EPB41L4A: variants seen among roughly 807,000 people sequenced by gnomAD.
The protein encoded by EPB41L4A is band 4.1-like protein 4A.
Under a neutral mutation model 108.6 loss-of-function variants are expected in EPB41L4A, and 100 were observed. The ratio of observed to expected loss-of-function variants is 0.92; its 90% confidence interval spans 0.78 to 1.09. The LOEUF (loss-of-function observed/expected upper bound fraction) is 1.09. Among genes scored for constraint, EPB41L4A ranks in the 50% least tolerant of loss-of-function variants. The pLI is 0.00. For synonymous variants in EPB41L4A, 319 were observed against 289.0 expected, an observed-to-expected ratio of 1.10 and a Z score of -1.05; for missense variants, 1,030 against 842.7, an observed-to-expected ratio of 1.22 and a Z score of -2.75.
intron 1 of EPB41L4A, among the ~76,000 whole-genome samples, chr5:112,391,609 T>C (rs1314677109): frequency 6.6e-6 from 1 of 152,092 alleles, no homozygotes; most frequent in Non-Finnish European, 1.5e-5. Context: ...GTCTGATTGG[T>C]ATACCTGAAA....
downstream of EPB41L4A, chr5:112,162,437 G>T (rs914952215): frequency 6.6e-6 from 1 of 152,218 alleles, no homozygotes; most frequent in Admixed American, 6.5e-5. Flanking sequence ...AAAATAGCTT[G>T]TGTTTGGCCC....
intron 21 of EPB41L4A, 83 bp from the exon 22 acceptor site, chr5:112,168,903 T>C (rs1273521780): frequency 7.4e-6 from 11 of 1,481,600 alleles, no homozygotes; most frequent in East Asian, 2.3e-5. Context: ...ACAGTGTAGA[T>C]ATAAAACATT....
At chr5:112,158,565 A>G (rs1419790267), downstream of EPB41L4A, 4 of 181,138 alleles carry the variant, frequency 2.2e-5, no homozygotes, top group African/African-American at 9.5e-5. Context: ...CAATCAAGAC[A>G]TACCCGAGAC....
At chr5:112,351,760 T>A (rs544347904) in intron 1 of EPB41L4A, among the ~76,000 whole-genome samples, 2 of 152,026 alleles carry the variant, frequency 1.3e-5, no homozygotes, top group African/African-American at 4.8e-5. Context: ...AGACTAAAAA[T>A]CCAAATCCAG....
intron 4 of EPB41L4A, among the ~76,000 whole-genome samples, chr5:112,270,676 A>G (rs925519752): frequency 6.6e-6 from 1 of 152,170 alleles, no homozygotes; most frequent in Admixed American, 6.5e-5. Flanking sequence ...GTAGATGAGG[A>G]CCATTACCTT....
In EPB41L4A at chr5:112,164,158, T is replaced by G. The variant is rs1181807518; in HGVS notation, c.*832A>C. ...CACTTCTGAAAACGCAAGAACACTT[T>G]AGAAATTAACAACACTTAAAGCTTT... On this transcript the variant is annotated 3_prime_UTR_variant, in exon 23 of 23. Transcript: ENST00000261486. 6.6e-6 allele frequency: 1 copy of G among 152,228 alleles called. No individual in the cohort carries two copies. The highest frequency in any genetic ancestry group is 2.4e-5 in the African/African-American group (1 of 41,456). The allele number at this position is 152,228 out of a possible 1,614,324, so 9.4% of individuals were successfully genotyped here.
chr5:112,312,943 A>G (rs1475068928), intron 1 of EPB41L4A, among the ~76,000 whole-genome samples: 2 of 152,226 alleles, frequency 1.3e-5, no homozygotes, highest in East Asian at 3.8e-4. Flanking sequence ...AAGTGCAATT[A>G]AAGTATATTT....
intron 12 of EPB41L4A, among the ~76,000 whole-genome samples, chr5:112,150,321 A>C (rs528717404): frequency 2.9e-4 from 44 of 152,336 alleles, no homozygotes; most frequent in African/African-American, 1.1e-3. Flanking sequence ...AACAAGTGAC[A>C]GTCAGCTAAA....
intron 1 of EPB41L4A, among the ~76,000 whole-genome samples, chr5:112,339,484 A>ATCTATATCTATATC (rs1554099994): frequency 2.8e-5 from 1 of 35,304 alleles, no homozygotes; most frequent in African/African-American, 8.1e-5. Flanking sequence ...CTATATATAT[A>ATCTATATCTATATC]TATATATATA....
chr5:112,203,732 T>A (rs796806236), intron 15 of EPB41L4A, among the ~76,000 whole-genome samples: 66 of 152,258 alleles, frequency 4.3e-4, no homozygotes, highest in African/African-American at 1.5e-3. Flanking sequence ...ACACTTAATA[T>A]GTTTTATATA....
chr5:112,305,944 AAAACTTTC>A (rs1754654610), intron 2 of EPB41L4A, among the ~76,000 whole-genome samples: 1 of 152,168 alleles, frequency 6.6e-6, no homozygotes, highest in Non-Finnish European at 1.5e-5. Flanking sequence ...TAAACCCTAC[AAAACTTTC>A]AATAAACTAG....
At chr5:112,339,541 TA>T (rs200641167) in intron 1 of EPB41L4A, among the ~76,000 whole-genome samples, 17 of 76,782 alleles carry the variant, frequency 2.2e-4, no homozygotes, top group Non-Finnish European at 3.2e-4. Context: ...TATATATATA[TA>T]TTTTTTTTTT....
chr5:112,219,316 G>A (rs758146848), intron 12 of EPB41L4A, among the ~76,000 whole-genome samples: 22 of 152,108 alleles, frequency 1.4e-4, no homozygotes, highest in African/African-American at 3.4e-4. Context: ...TTTTATAAGC[G>A]TCTGGCATTT....
At chr5:112,368,855 C>T (rs1383289326) in intron 1 of EPB41L4A, among the ~76,000 whole-genome samples, 3 of 152,070 alleles carry the variant, frequency 2.0e-5, no homozygotes, top group African/African-American at 7.2e-5. Context: ...CCTAATGGTT[C>T]TATCTTTTGT....
At chr5:112,219,364 GAAGAC>G (rs1263568875) in intron 12 of EPB41L4A, among the ~76,000 whole-genome samples, 9 of 152,142 alleles carry the variant, frequency 5.9e-5, no homozygotes, top group African/African-American at 2.2e-4. Flanking sequence ...GCCGCCCTGT[GAAGAC>G]ATGCCTTCTG....
chr5:112,171,972 C>A (rs955654634), intron 18 of EPB41L4A, among the ~76,000 whole-genome samples: 1 of 152,120 alleles, frequency 6.6e-6, no homozygotes. Context: ...TCATTCTTCT[C>A]GATTCATAAG....
At chr5:112,245,963 G>A (rs1350774132) in intron 9 of EPB41L4A, among the ~76,000 whole-genome samples, 1 of 152,184 alleles carries the variant, frequency 6.6e-6, no homozygotes, top group Middle Eastern at 3.2e-3. Flanking sequence ...TTCACGGTAA[G>A]AAATCTTCCG....
At chr5:112,363,940 C>A (rs1758950644) in intron 1 of EPB41L4A, among the ~76,000 whole-genome samples, 1 of 152,180 alleles carries the variant, frequency 6.6e-6, no homozygotes, top group African/African-American at 2.4e-5. Context: ...ATGAAGTTTA[C>A]TTTCCAAAAA....
intron 14 of EPB41L4A, among the ~76,000 whole-genome samples, chr5:112,204,859 A>G (rs1762395940): frequency 6.6e-6 from 1 of 152,252 alleles, no homozygotes; most frequent in Admixed American, 6.5e-5. Context: ...CAGCACTGAG[A>G]TACAACTATT....
Sources: allele counts gnomAD v4.1 joint callset (sites outside exome capture counted in the v4.1 genomes callset), GRCh38; gene constraint gnomAD v4.1.1; transcripts MANE v1.5; gene names NCBI Gene and HGNC (gene_info 2026-07-23, HGNC 2026-07-21).